Variants in FBXO15 observed in about 807,000 individuals in gnomAD.
FBXO15 encodes F-box only protein 15.
In FBXO15, 30 loss-of-function variants were observed where a neutral mutation model predicts 49.5. The observed-to-expected ratio is 0.61, with a 90% CI of 0.45 to 0.82. FBXO15 has a LOEUF of 0.82. FBXO15 is among the 40% of genes least tolerant of loss of function. The pLI is 0.00. For synonymous variants in FBXO15, 250 were observed against 232.7 expected, an observed-to-expected ratio of 1.07 and a Z score of -0.68; for missense variants, 591 against 631.5, an observed-to-expected ratio of 0.94 and a Z score of 0.69.
At chr18:74,111,588 A>T (rs1485901422) in intron 8 of FBXO15, among the ~76,000 whole-genome samples, 1 of 152,116 alleles carries the variant, frequency 6.6e-6, no homozygotes, top group Non-Finnish European at 1.5e-5. Context: ...AAGAAGAAAG[A>T]TCTGAAATCA....
Position 74,147,663 on chromosome 18 carries a change from C to A in FBXO15, c.116+7G>T. ...CAGGGGACCCCACCCGCAGGCCCTA[C>A]AGTCACCTGCACCCAAAGGCCCTGG... On this transcript the variant is annotated splice_region_variant and intron_variant, in intron 1 of 9. Transcript: ENST00000419743. 1 of 1,451,082 alleles carries A rather than the reference C, an allele frequency of 6.9e-7. No homozygotes were observed. The highest frequency in any genetic ancestry group is 9.0e-7 in the Non-Finnish European group (1 of 1,106,098). 89.9% of individuals were successfully genotyped at this position (1,451,082 alleles called of 1,614,324 possible). A position where few individuals can be genotyped will look rare whatever the true frequency, so the allele number is the denominator to read the frequency against.
intron 8 of FBXO15, among the ~76,000 whole-genome samples, chr18:74,100,368 A>G (rs1381396338): frequency 2.6e-5 from 4 of 152,124 alleles, no homozygotes; most frequent in Non-Finnish European, 4.4e-5. Flanking sequence ...TTTGAACTGA[A>G]TGACAAAATG....
At chr18:74,107,645 G>A (rs1293961078) in intron 8 of FBXO15, among the ~76,000 whole-genome samples, 1 of 152,100 alleles carries the variant, frequency 6.6e-6, no homozygotes, top group Non-Finnish European at 1.5e-5. Flanking sequence ...ACTCAGTGTG[G>A]GCAAGTCTGA....
chr18:74,074,280 G>C lies in FBXO15; in HGVS notation c.1264-550C>G, dbSNP rs1235324413. ...TCCTGTCCACCCACTCTCATTTCCA[G>C]GACTCTGGCACCAGCCCTGCTGTCT... is the stretch of plus-strand genomic sequence containing the variant. On this transcript the variant is annotated intron_variant, in intron 9 of 9. Coordinates refer to ENST00000419743, the MANE Select transcript of FBXO15 (RefSeq NM_001142958.2). This position sits in a 1 kb window ranked among gnomAD's most constrained non-coding sequence, Gnocchi z 4.7. Among the ~76,000 whole-genome samples, 1 of 152,096 alleles carries C rather than the reference G, an allele frequency of 6.6e-6. No homozygotes were observed. Among genetic ancestry groups the C allele is most frequent in the Non-Finnish European group, 1.5e-5 (1 of 68,022 alleles).
At chr18:74,089,813 G>A (rs945569212) in intron 8 of FBXO15, among the ~76,000 whole-genome samples, 1 of 152,158 alleles carries the variant, frequency 6.6e-6, no homozygotes, top group African/African-American at 2.4e-5. Context: ...GCTATATTCA[G>A]TTTGCTAGTA....
chr18:74,147,809 A>G lies in FBXO15; in HGVS notation c.-24T>C. 3.3e-6 allele frequency: 5 copies of G among 1,501,834 alleles called. No homozygotes were observed. The highest frequency in any genetic ancestry group is 4.4e-6 in the Non-Finnish European group (5 of 1,126,568). 93.0% of individuals were successfully genotyped at this position (1,501,834 alleles called of 1,614,324 possible). A position where few individuals can be genotyped will look rare whatever the true frequency, so the allele number is the denominator to read the frequency against. ...ATAGAGACAAGGAGTTCACCACAGG[A>G]CCGCGCCAGGGCTGAAACGAAGAGT... On this transcript the variant is annotated 5_prime_UTR_variant, in exon 1 of 10. Coordinates refer to ENST00000419743, the MANE Select transcript of FBXO15 (RefSeq NM_001142958.2).
In FBXO15 at chr18:74,141,216, G is replaced by C. The variant is rs149517530; in HGVS notation, c.117-904C>G. On this transcript the variant is annotated intron_variant, in intron 1 of 9. Coordinates refer to ENST00000419743, the MANE Select transcript of FBXO15 (RefSeq NM_001142958.2). The stretch of plus-strand genomic sequence containing the variant: ...TTAAGATCAGTCCTCAAAACCAGTA[G>C]TACTCAGCAGCACCTTGAGGGAATC... Among the ~76,000 whole-genome samples the C allele has an allele frequency of 2.0e-3, 305 of 152,260 alleles. 1 individual carries two copies. The highest frequency in any genetic ancestry group is 7.1e-3 in the African/African-American group (294 of 41,558).
At chr18:74,139,020 C>T (rs1043483897) in intron 2 of FBXO15, among the ~76,000 whole-genome samples, 4 of 152,128 alleles carry the variant, frequency 2.6e-5, no homozygotes, top group African/African-American at 9.7e-5. Flanking sequence ...GCTCCCCGAC[C>T]CCCACACTGT....
chr18:74,081,259 G>A (rs1397875038), intron 9 of FBXO15, among the ~76,000 whole-genome samples: 1 of 152,226 alleles, frequency 6.6e-6, no homozygotes, highest in Non-Finnish European at 1.5e-5. Context: ...CGCAGTCACA[G>A]GAGATTGATC....
At chr18:74,145,454 GTC>G (rs1187340729) in intron 1 of FBXO15, among the ~76,000 whole-genome samples, 3 of 152,160 alleles carry the variant, frequency 2.0e-5, no homozygotes, top group African/African-American at 7.2e-5. Context: ...AGCAAAGACA[GTC>G]TCTGAGACGC....
chr18:74,079,414 A>C (rs1005295031), intron 9 of FBXO15, among the ~76,000 whole-genome samples: 1 of 152,198 alleles, frequency 6.6e-6, no homozygotes, highest in African/African-American at 2.4e-5. Flanking sequence ...GTGGCCACTG[A>C]AAGCATCTTT....
chr18:74,113,095 C>T (rs1260676319), intron 8 of FBXO15, among the ~76,000 whole-genome samples: 1 of 152,110 alleles, frequency 6.6e-6, no homozygotes, highest in Non-Finnish European at 1.5e-5. Flanking sequence ...TACATCCAGA[C>T]AATGTGATAT....
chr18:74,087,031 A>C (rs1355955811), intron 8 of FBXO15, among the ~76,000 whole-genome samples: 1 of 152,232 alleles, frequency 6.6e-6, no homozygotes, highest in Non-Finnish European at 1.5e-5. Flanking sequence ...AGTTATGTTT[A>C]TACTATACTC....
intron 9 of FBXO15, among the ~76,000 whole-genome samples, chr18:74,076,855 T>C (rs1912276598): frequency 6.6e-6 from 1 of 152,106 alleles, no homozygotes; most frequent in Non-Finnish European, 1.5e-5. Context: ...CACTGACCCT[T>C]CACCCTTGAA....
At chr18:74,116,780 C>T (rs1914251694) in intron 8 of FBXO15, among the ~76,000 whole-genome samples, 2 of 152,328 alleles carry the variant, frequency 1.3e-5, no homozygotes, top group South Asian at 4.1e-4. Context: ...GGCAGGGCTT[C>T]CCTCTGTGTG....
In FBXO15 at chr18:74,115,759, G is replaced by T. The variant is rs113622457; in HGVS notation, c.1138+7609C>A. ...TAATGCATAATGTATAATTTAAATA[G>T]CTACTCATGACTTTTTCTATGAGTC... On this transcript the variant is annotated intron_variant, in intron 8 of 9. Coordinates refer to ENST00000419743, the MANE Select transcript of FBXO15 (RefSeq NM_001142958.2). Among the ~76,000 whole-genome samples the T allele has an allele frequency of 8.1e-3, 1,236 of 152,224 alleles. 19 individuals are homozygous for T. The highest frequency in any genetic ancestry group is 0.028 in the African/African-American group (1,175 of 41,524).
intron 2 of FBXO15, among the ~76,000 whole-genome samples, chr18:74,137,231 A>C (rs1978777048): frequency 6.6e-6 from 1 of 152,236 alleles, no homozygotes; most frequent in South Asian, 2.1e-4. Flanking sequence ...TCAATAAATT[A>C]GATCCTTGCA....
chr18:74,096,349 C>T (rs1049750288), intron 8 of FBXO15, among the ~76,000 whole-genome samples: 3 of 152,082 alleles, frequency 2.0e-5, no homozygotes, highest in African/African-American at 7.2e-5. Context: ...GCACAAACCC[C>T]TAGCCAGCCT....
At chr18:74,077,221 T>C (rs953047581) in intron 9 of FBXO15, among the ~76,000 whole-genome samples, 3 of 152,140 alleles carry the variant, frequency 2.0e-5, no homozygotes, top group African/African-American at 2.4e-5. Context: ...GCTGAATGAA[T>C]GAATGAGTGT....
Sources: gnomAD v4.1 joint callset for allele counts (sites outside exome capture counted in the v4.1 genomes callset) on GRCh38, gnomAD v4.1.1 for gene constraint, Gnocchi (gnomAD v3.1) non-coding constraint, MANE v1.5 for transcripts, NCBI Gene and HGNC (gene_info 2026-07-23, HGNC 2026-07-21) for gene names.